The following RYR3 variants were observed in gnomAD, a reference collection of about 807,000 sequenced individuals.
The protein encoded by RYR3 is brain ryanodine receptor-calcium release channel.
In RYR3, 207 loss-of-function variants were observed where a neutral mutation model predicts 584.3. That is an observed-to-expected ratio of 0.35 (90% CI 0.32 to 0.40). The LOEUF (loss-of-function observed/expected upper bound fraction) is 0.40, where lower values mean the gene tolerates loss of function less well. Ranked by LOEUF, RYR3 falls within the 10% of genes least tolerant of loss-of-function variation. The pLI, the probability that RYR3 is intolerant of heterozygous loss-of-function variation, is 1.00. For synonymous variants in RYR3, 2,416 were observed against 2,248.5 expected (o/e 1.07, Z -2.11); for missense variants, 5,616 against 6,089.2 (o/e 0.92, Z 2.59).
intron 1 of RYR3, among the ~76,000 whole-genome samples, chr15:33,386,638 A>G (rs2041621376): frequency 6.6e-6 from 1 of 152,148 alleles, no homozygotes; most frequent in Non-Finnish European, 1.5e-5. Flanking sequence ...CAACTTTTTC[A>G]TCTTGCAAAT....
At chr15:33,717,415 A>C (rs2067577613) in intron 43 of RYR3, among the ~76,000 whole-genome samples, 1 of 152,202 alleles carries the variant, frequency 6.6e-6, no homozygotes. Context: ...ACTCAGACTA[A>C]GTCTAGACAG....
At chr15:33,541,685 A>T (rs1431642587) in intron 7 of RYR3, among the ~76,000 whole-genome samples, 1 of 152,154 alleles carries the variant, frequency 6.6e-6, no homozygotes. Flanking sequence ...CTATTCTATC[A>T]TGTTTGAAAA....
At chr15:33,862,002 T>TAA (rs1253535856) in intron 102 of RYR3, among the ~76,000 whole-genome samples, 2 of 152,168 alleles carry the variant, frequency 1.3e-5, no homozygotes, top group African/African-American at 4.8e-5. Flanking sequence ...TATTCTACGG[T>TAA]AAAGCATTCA....
rs367990914 is a variant in RYR3, at chr15:33,338,840, A to C, written c.51+27744A>C. Among the ~76,000 whole-genome samples, 6 of 150,148 alleles carry C rather than the reference A, an allele frequency of 4.0e-5. No homozygotes were observed. In the East Asian group the frequency reaches 1.2e-3, roughly 29 times the overall value. On this transcript the variant is annotated intron_variant, in intron 1 of 103. Transcript: ENST00000634891. Reference sequence around the variant, plus strand: ...CAAATTTCATGAACATAATGGTGACAAAAAAAAGTCCTTGAAAAATACAAA... The same window carrying C: ...CAAATTTCATGAACATAATGGTGACCAAAAAAAGTCCTTGAAAAATACAAA...
intron 1 of RYR3, among the ~76,000 whole-genome samples, chr15:33,326,120 G>A (rs774640344): frequency 1.3e-5 from 2 of 152,020 alleles, no homozygotes; most frequent in Non-Finnish European, 2.9e-5. Flanking sequence ...TTTCTTACAC[G>A]AGTCTGTTGA....
In RYR3 at chr15:33,412,992, T is replaced by A. The variant is rs1039697581; in HGVS notation, c.52-60427T>A. ...TTGAGAATGAGAAATGGTCTACCCA[T>A]CTCTGGGTCTGAAAGACAACTGTAC... On this transcript the variant is annotated intron_variant, in intron 1 of 103. Transcript: ENST00000634891. The surrounding 1 kb of genome is among the most constrained non-coding windows in gnomAD (Gnocchi z 4.3). Among the ~76,000 whole-genome samples, 4 of 152,194 alleles carry A rather than the reference T, an allele frequency of 2.6e-5. No individual in the cohort carries two copies. Among genetic ancestry groups the A allele is most frequent in the African/African-American group, 9.7e-5 (4 of 41,450 alleles).
At chr15:33,744,803 A>T (rs900021666) in intron 52 of RYR3, among the ~76,000 whole-genome samples, 3 of 152,194 alleles carry the variant, frequency 2.0e-5, no homozygotes, top group Non-Finnish European at 2.9e-5. Flanking sequence ...GTGAGAGATA[A>T]GTCTGGAGAG....
chr15:33,323,198 G>C (rs190473573), intron 1 of RYR3, among the ~76,000 whole-genome samples: 5,284 of 152,044 alleles, frequency 0.035, 115 homozygotes, highest in Non-Finnish European at 0.053. Flanking sequence ...TGCAAGCTCC[G>C]CCTCCCAGGT....
chr15:33,862,810 CGTG>C (rs1888874108), intron 102 of RYR3, among the ~76,000 whole-genome samples: 3 of 152,068 alleles, frequency 2.0e-5, no homozygotes, highest in Non-Finnish European at 4.4e-5. Context: ...AGGGTTTCAC[CGTG>C]TTGGCCAAGC....
intron 60 of RYR3, among the ~76,000 whole-genome samples, chr15:33,766,033 C>A (rs2073030848): frequency 6.6e-6 from 1 of 152,114 alleles, no homozygotes. Context: ...GTAATCCCAG[C>A]ATTTGGGGAG....
At chr15:33,716,468 A>T (rs1327210144) in intron 43 of RYR3, among the ~76,000 whole-genome samples, 1 of 152,244 alleles carries the variant, frequency 6.6e-6, no homozygotes, top group East Asian at 1.9e-4. Flanking sequence ...AAGGGCTTCT[A>T]GTGACAGAGG....
intron 1 of RYR3, among the ~76,000 whole-genome samples, chr15:33,381,522 G>A (rs2041190104): frequency 6.6e-6 from 1 of 152,110 alleles, no homozygotes; most frequent in Admixed American, 6.5e-5. Context: ...CAGCCTGATG[G>A]CTCAGCATCC....
chr15:33,849,180 C>T (rs915619054), intron 94 of RYR3: 4 of 152,096 alleles, frequency 2.6e-5, no homozygotes, highest in African/African-American at 9.7e-5. Flanking sequence ...TAAGAGACCT[C>T]GTCTTAACGT....
chr15:33,539,588 C>T, intron 6 of RYR3, 126 bp downstream of exon 6: 1 of 582,168 alleles, frequency 1.7e-6, no homozygotes, highest in Non-Finnish European at 3.1e-6. Flanking sequence ...ATAGAGTTGA[C>T]CCTTAAACAA....
chr15:33,807,348 C>G (rs1345350745), intron 69 of RYR3, among the ~76,000 whole-genome samples: 2 of 152,160 alleles, frequency 1.3e-5, no homozygotes, highest in Admixed American at 1.3e-4. Context: ...GGTATAAGTC[C>G]TTTGACCAAA....
At chr15:33,396,914 C>T (rs946703177) in intron 1 of RYR3, among the ~76,000 whole-genome samples, 1 of 152,146 alleles carries the variant, frequency 6.6e-6, no homozygotes, top group Non-Finnish European at 1.5e-5. Context: ...GCTTACATGA[C>T]CAAATAACAC....
intron 11 of RYR3, among the ~76,000 whole-genome samples, chr15:33,566,029 A>ACCC (rs1221227232): frequency 6.6e-6 from 1 of 152,230 alleles, no homozygotes; most frequent in African/African-American, 2.4e-5. Flanking sequence ...CAGATGGTGA[A>ACCC]ATCCAAAGCA....
At chr15:33,403,539 C>T (rs573230044) in intron 1 of RYR3, among the ~76,000 whole-genome samples, 2 of 152,100 alleles carry the variant, frequency 1.3e-5, no homozygotes, top group African/African-American at 4.8e-5. Flanking sequence ...ATATAAATAT[C>T]CTTAATAGGT....
intron 3 of RYR3, among the ~76,000 whole-genome samples, chr15:33,528,481 C>G (rs993334947): frequency 4.6e-5 from 7 of 152,156 alleles, no homozygotes; most frequent in African/African-American, 1.7e-4. Flanking sequence ...CCTCTTTATC[C>G]TCCTAGTCTA....
Sources: gnomAD v4.1 joint callset for allele counts (sites outside exome capture counted in the v4.1 genomes callset) on GRCh38, gnomAD v4.1.1 for gene constraint, Gnocchi (gnomAD v3.1) non-coding constraint, MANE v1.5 for transcripts, NCBI Gene and HGNC (gene_info 2026-07-23, HGNC 2026-07-21) for gene names.